Variants in SARM1 observed in about 807,000 individuals in gnomAD.
SARM1 encodes the protein sterile alpha and TIR motif containing 1, also known as NAD(+) hydrolase SARM1.
Under a neutral mutation model 65.1 loss-of-function variants are expected in SARM1, and 60 were observed. That is an observed-to-expected ratio of 0.92 (90% CI 0.75 to 1.14). SARM1 has a LOEUF of 1.14. Ranked by LOEUF, SARM1 falls within the 50% of genes most tolerant of loss-of-function variation. The probability of loss-of-function intolerance (pLI) is 0.00; values close to 1 mark genes in which losing one functional copy is unlikely to be tolerated. For synonymous variants in SARM1, 417 were observed against 465.4 expected (o/e 0.90, Z 1.34); for missense variants, 913 against 1,015.7 (o/e 0.90, Z 1.37).
chr17:28,383,201 C>G lies in SARM1; in HGVS notation c.1090-1156C>G, dbSNP rs184219678. Among the ~76,000 whole-genome samples, 48 of 152,192 alleles carry G rather than the reference C, an allele frequency of 3.2e-4. No homozygotes were observed. The East Asian group carries it at 9.1e-3, about 29-fold the overall frequency. ...CCAGCCTGGACAACATGGTGAAACTCTGTCCCTACTAAAAATACAAAAATT... is the reference window on the plus strand; with the variant it reads ...CCAGCCTGGACAACATGGTGAAACTGTGTCCCTACTAAAAATACAAAAATT... On this transcript the variant is annotated intron_variant, in intron 2 of 8. Transcript: ENST00000585482.
In SARM1 at chr17:28,381,739, C is replaced by T; in HGVS notation, c.1007C>T (p.Ser336Phe). The change falls in exon 2 of 9, where the codon TCT becomes TTT. Residue 336 changes from serine to phenylalanine, a missense_variant. Ser to Phe is a radical substitution (Grantham distance 155). Transcript: ENST00000585482. ...DLQRLVPLLD[S>F]NRLEAQCIGA... ...CAGCGCCTCGTGCCGTTGCTCGACT[C>T]TAACCGCTTGGAGGCGCAGTGCATC... The T allele has an allele frequency of 6.5e-7, 1 of 1,528,594 alleles. No individual in the cohort carries two copies. The highest frequency in any genetic ancestry group is 8.8e-7 in the Non-Finnish European group (1 of 1,138,480). The allele number at this position is 1,528,594 out of a possible 1,614,324, so 94.7% of individuals were successfully genotyped here.
At position 28,385,057 on chromosome 17, in the gene SARM1, C is replaced by T. The variant is rs2068043435; in HGVS notation, c.1412C>T (p.Thr471Met). ...GGGTGCAGGTTCTTTAGGGAGCTCACGGAGCTCAAGACCTTCGCCAACTAT... is the reference window on the plus strand; with the variant it reads ...GGGTGCAGGTTCTTTAGGGAGCTCATGGAGCTCAAGACCTTCGCCAACTAT... ...ITRKRFFREL[T>M]ELKTFANYST... is the part of the protein sequence containing the mutation. The change falls in exon 5 of 9, where the codon ACG becomes ATG. Residue 471 changes from threonine to methionine, a missense_variant. Thr to Met is a moderately conservative substitution (Grantham distance 81, BLOSUM62 -1). This residue lies in a region of SARM1 where 862 missense variants were observed against 952.1 expected (regional missense o/e 0.91). Transcript: ENST00000585482. The surrounding 1 kb of genome is among the most constrained non-coding windows in gnomAD (Gnocchi z 4.5). 6.2e-7 allele frequency: 1 copy of T among 1,613,444 alleles called. No homozygotes were observed. The highest frequency in any genetic ancestry group is 8.5e-7 in the Non-Finnish European group (1 of 1,179,498).
chr17:28,384,717 G>C lies in SARM1; in HGVS notation c.1303-122G>C. 8.4e-7 allele frequency: 1 copy of C among 1,195,890 alleles called. No individual in the cohort carries two copies. The highest frequency in any genetic ancestry group is 1.4e-5 in the South Asian group (1 of 70,052). The allele number at this position is 1,195,890 out of a possible 1,614,324, so 74.1% of individuals were successfully genotyped here. ...TACGCAGCCACCGTTAGGGTCACTC[G>C]GCTCTGATCTAGGTCCCATCCGCCT... On this transcript the variant is annotated intron_variant, in intron 3 of 8. Coordinates refer to ENST00000585482, the MANE Select transcript of SARM1 (RefSeq NM_015077.4). This position sits in a 1 kb window ranked among gnomAD's most constrained non-coding sequence, Gnocchi z 4.4.
At chr17:28,395,857 C>G (rs553559977) in intron 7 of SARM1, 48 bp from the exon 8 acceptor site, 5 of 1,607,762 alleles carry the variant, frequency 3.1e-6, no homozygotes, top group Non-Finnish European at 4.2e-6. Flanking sequence ...CTACAAGGGT[C>G]CCTAGATGGG....
In SARM1 at chr17:28,396,416, CCT is replaced by C; in HGVS notation, c.*131_*132del. On this transcript the variant is annotated 3_prime_UTR_variant, in exon 9 of 9. Coordinates refer to ENST00000585482, the MANE Select transcript of SARM1 (RefSeq NM_015077.4). ...TTCTTAGGAAATGGCTCTCCCTCCC[CCT>C]GTCCCCCACCCTCATGGCCCACCTC... is the stretch of plus-strand genomic sequence containing the variant. 2 of 1,046,272 alleles carry C rather than the reference CCT, an allele frequency of 1.9e-6. No homozygotes were observed. Among genetic ancestry groups the C allele is most frequent in the Admixed American group, 2.1e-5 (1 of 48,160 alleles). The allele number at this position is 1,046,272 out of a possible 1,614,324, so 64.8% of individuals were successfully genotyped here. A position where few individuals can be genotyped will look rare whatever the true frequency, so the allele number is the denominator to read the frequency against.
At chr17:28,386,978 A>G (rs1303633341) in intron 5 of SARM1, among the ~76,000 whole-genome samples, 1 of 152,146 alleles carries the variant, frequency 6.6e-6, no homozygotes. Flanking sequence ...GCCTCAAGCA[A>G]TCTTCCCAAC....
At chr17:28,376,234 C>T (rs1213805580) in intron 1 of SARM1, among the ~76,000 whole-genome samples, 8 of 152,034 alleles carry the variant, frequency 5.3e-5, no homozygotes, top group East Asian at 1.9e-4. Context: ...TCCTTCCCTT[C>T]GCTGGGCCTC....
Position 28,385,320 on chromosome 17 carries a change from C to T in SARM1, c.1630+45C>T. ...ACCCCGCCCCAGCCCCAGCCCCAGC[C>T]ACGGCCCTGGAATGGTGAGGGGAGA... On this transcript the variant is annotated intron_variant, in intron 5 of 8. Transcript: ENST00000585482. The surrounding 1 kb of genome is among the most constrained non-coding windows in gnomAD (Gnocchi z 4.5). 2 of 1,424,758 alleles carry T rather than the reference C, an allele frequency of 1.4e-6. No homozygotes were observed. The highest frequency in any genetic ancestry group is 1.9e-6 in the Non-Finnish European group (2 of 1,067,164). The allele number at this position is 1,424,758 out of a possible 1,614,324, so 88.3% of individuals were successfully genotyped here.
At position 28,385,378 on chromosome 17, in the gene SARM1, T is replaced by G. The variant is rs185483748; in HGVS notation, c.1630+103T>G. On this transcript the variant is annotated intron_variant, in intron 5 of 8. Coordinates refer to ENST00000585482, the MANE Select transcript of SARM1 (RefSeq NM_015077.4). This position sits in a 1 kb window ranked among gnomAD's most constrained non-coding sequence, Gnocchi z 4.5. ...TGGAGCCTTCCAGCCTCGCCGTGGA[T>G]TGATTGAGCACAAACGTGGGTCACA... 1.1e-3 allele frequency: 936 copies of G among 880,662 alleles called. 8 individuals are homozygous for G. The African/African-American group carries it at 0.014, about 13-fold the overall frequency. 54.6% of individuals were successfully genotyped at this position (880,662 alleles called of 1,614,324 possible). A position where few individuals can be genotyped will look rare whatever the true frequency, so the allele number is the denominator to read the frequency against.
rs1567806541 is a variant in SARM1 at position 28,381,247 on chromosome 17, C to T, written c.515C>T (p.Ala172Val). 1.2e-6 allele frequency: 2 copies of T among 1,610,346 alleles called. No individual in the cohort carries two copies. Among genetic ancestry groups the T allele is most frequent in the East Asian group, 2.2e-5 (1 of 44,812 alleles). Reference sequence around the variant, plus strand: ...GGGCTGGGCGTGATCCTGAACCTGGCGAAGGAACGCGAACCCGTAGAGCTG... The same window carrying T: ...GGGCTGGGCGTGATCCTGAACCTGGTGAAGGAACGCGAACCCGTAGAGCTG... ...RIGLGVILNL[A>V]KEREPVELAR... Residue 172 changes from alanine (A) to valine (V), a missense_variant, in exon 2 of 9, where the codon GCG (alanine) becomes GTG (valine). This residue lies in a region of SARM1 where 862 missense variants were observed against 952.1 expected (regional missense o/e 0.91). Transcript: ENST00000585482.
chr17:28,371,867 C>T lies in SARM1; in HGVS notation c.-166C>T. 1 of 485,776 alleles carries T rather than the reference C, an allele frequency of 2.1e-6. No individual in the cohort carries two copies. Among genetic ancestry groups the T allele is most frequent in the Non-Finnish European group, 3.5e-6 (1 of 281,982 alleles). 30.1% of individuals were successfully genotyped at this position (485,776 alleles called of 1,614,324 possible). A position where few individuals can be genotyped will look rare whatever the true frequency, so the allele number is the denominator to read the frequency against. ...CCGCTCCCCCGATCCTGCCGACACT[C>T]CTCCCCCAAACTTCTGACCGGCACC... On this transcript the variant is annotated 5_prime_UTR_variant, in exon 1 of 9. Transcript: ENST00000585482.
Position 28,384,614 on chromosome 17 carries a change from C to G in SARM1, c.1302+45C>G. The stretch of plus-strand genomic sequence containing the variant: ...GCCTCCCCCGAGTCAGAGCGGGCGC[C>G]CTGTGCACAGGGACTGCGTTCCCTC... On this transcript the variant is annotated intron_variant, in intron 3 of 8. Coordinates refer to ENST00000585482, the MANE Select transcript of SARM1 (RefSeq NM_015077.4). The surrounding 1 kb of genome is among the most constrained non-coding windows in gnomAD (Gnocchi z 4.4). 1 of 1,515,074 alleles carries G rather than the reference C, an allele frequency of 6.6e-7. No homozygotes were observed. Among genetic ancestry groups the G allele is most frequent in the African/African-American group, 1.4e-5 (1 of 72,584 alleles). 93.9% of individuals were successfully genotyped at this position (1,515,074 alleles called of 1,614,324 possible).
In SARM1 at chr17:28,402,163, C is replaced by A. The variant is rs2068203526; in HGVS notation, c.*5877C>A. On this transcript the variant is annotated 3_prime_UTR_variant, in exon 9 of 9. Transcript: ENST00000585482. Reference sequence around the variant, plus strand: ...GGGGGAAGGCAAGCTGTTCCCCCAGCCATGGCTGCCCATCAGCCCGTTTCG... The same window carrying A: ...GGGGGAAGGCAAGCTGTTCCCCCAGACATGGCTGCCCATCAGCCCGTTTCG... 26 of 1,302,116 alleles carry A rather than the reference C, an allele frequency of 2.0e-5. No individual in the cohort carries two copies. In the East Asian group the frequency reaches 6.5e-4, roughly 33 times the overall value. 80.7% of individuals were successfully genotyped at this position (1,302,116 alleles called of 1,614,324 possible). A position where few individuals can be genotyped will look rare whatever the true frequency, so the allele number is the denominator to read the frequency against.
At chr17:28,381,844 G>T (rs1483362187) in intron 2 of SARM1, 23 bp downstream of exon 2, 6 of 1,422,734 alleles carry the variant, frequency 4.2e-6, no homozygotes, top group Admixed American at 6.3e-5. Context: ...GTGGGGTTGG[G>T]TGGATCAGGG....
chr17:28,391,744 G>T (rs1030044686), intron 7 of SARM1, among the ~76,000 whole-genome samples: 2 of 130,658 alleles, frequency 1.5e-5, no homozygotes, highest in Non-Finnish European at 3.2e-5. Context: ...AGAGAGAGAG[G>T]CTGAGGCTGT....
intron 2 of SARM1, among the ~76,000 whole-genome samples, chr17:28,383,903 A>C (rs1273526683): frequency 6.6e-6 from 1 of 152,216 alleles, no homozygotes; most frequent in African/African-American, 2.4e-5. Context: ...GAGGATTCCC[A>C]TGAGCAGACT....
At chr17:28,381,881 C>A (rs2068027332) in intron 2 of SARM1, 60 bp downstream of exon 2, 2 of 1,382,122 alleles carry the variant, frequency 1.4e-6, no homozygotes, top group South Asian at 3.5e-5. Context: ...GAAGGTTTCC[C>A]AGAGGAAGTC....
chr17:28,388,319 G>T (rs1555586378), intron 6 of SARM1, 31 bp from the exon 7 acceptor site: 1 of 1,610,024 alleles, frequency 6.2e-7, no homozygotes, highest in South Asian at 1.1e-5. Context: ...TGGGGACAAG[G>T]CTGTGGCACT....
chr17:28,398,301 C>G lies in SARM1; in HGVS notation c.*2015C>G, dbSNP rs2068155622. 6.6e-6 allele frequency: 1 copy of G among 152,298 alleles called. No individual in the cohort carries two copies. Among genetic ancestry groups the G allele is most frequent in the Non-Finnish European group, 1.5e-5 (1 of 68,124 alleles). 9.4% of individuals were successfully genotyped at this position (152,298 alleles called of 1,614,324 possible). ...ACTGTTGTCCACTGCCCTGTGTGGC[C>G]TTCTGGTTGACCTCTGCCCGATCTT... On this transcript the variant is annotated 3_prime_UTR_variant, in exon 9 of 9. Coordinates refer to ENST00000585482, the MANE Select transcript of SARM1 (RefSeq NM_015077.4).
Sources: allele counts gnomAD v4.1 joint callset (sites outside exome capture counted in the v4.1 genomes callset), GRCh38; gene constraint gnomAD v4.1.1; regional missense constraint gnomAD v4.1.1; non-coding constraint Gnocchi (gnomAD v3.1); transcripts MANE v1.5; gene names NCBI Gene and HGNC (gene_info 2026-07-23, HGNC 2026-07-21).